VPS13C: variants seen among roughly 807,000 people sequenced by gnomAD.
The protein encoded by VPS13C is vacuolar protein sorting 13 homolog C.
VPS13C carries 358 observed loss-of-function variants against 456.8 expected under a neutral mutation model. That is an observed-to-expected ratio of 0.78 (90% CI 0.72 to 0.86). The LOEUF (loss-of-function observed/expected upper bound fraction) is 0.86. Ranked by LOEUF, VPS13C falls within the 40% of genes least tolerant of loss-of-function variation. The pLI, the probability that VPS13C is intolerant of heterozygous loss-of-function variation, is 0.00. For synonymous variants in VPS13C, 1,578 were observed against 1,486.7 expected, an observed-to-expected ratio of 1.06 and a Z score of -1.41; for missense variants, 4,818 against 4,385.4, an observed-to-expected ratio of 1.10 and a Z score of -2.79.
intron 66 of VPS13C, among the ~76,000 whole-genome samples, chr15:61,896,444 G>A (rs950243139): frequency 3.9e-5 from 6 of 152,198 alleles, no homozygotes; most frequent in Admixed American, 6.5e-5. Context: ...CTCGGGAAGC[G>A]CAAGGGGTCA....
At chr15:62,036,725 C>T (rs1429699854) in intron 3 of VPS13C, among the ~76,000 whole-genome samples, 1 of 152,006 alleles carries the variant, frequency 6.6e-6, no homozygotes, top group Non-Finnish European at 1.5e-5. Context: ...TTCCCTAAAC[C>T]TTTTCTTCTC....
At chr15:62,021,400 T>A (rs956365941) in intron 8 of VPS13C, among the ~76,000 whole-genome samples, 1 of 151,952 alleles carries the variant, frequency 6.6e-6, no homozygotes, top group African/African-American at 2.4e-5. Context: ...ATCCTTAATA[T>A]TTAATTTCTT....
intron 15 of VPS13C, among the ~76,000 whole-genome samples, chr15:62,003,834 G>A (rs8030549): frequency 0.025 from 3,832 of 150,772 alleles, 100 homozygotes; most frequent in South Asian, 0.068. Context: ...ATTGATTTGC[G>A]TATGTTGAAC....
At chr15:61,898,152 C>A (rs990295148) in intron 66 of VPS13C, among the ~76,000 whole-genome samples, 1 of 151,836 alleles carries the variant, frequency 6.6e-6, no homozygotes, top group Non-Finnish European at 1.5e-5. Context: ...AAAATCATGC[C>A]AAAATGTAAA....
At chr15:62,016,741 T>G (rs566982109) in intron 9 of VPS13C, among the ~76,000 whole-genome samples, 3 of 152,304 alleles carry the variant, frequency 2.0e-5, no homozygotes, top group African/African-American at 7.2e-5. Context: ...CATGTGTACA[T>G]GTGTCTTTAG....
chr15:62,000,406 A>T (rs1455134812), intron 16 of VPS13C, among the ~76,000 whole-genome samples, 158 bp downstream of exon 16: 1 of 151,974 alleles, frequency 6.6e-6, no homozygotes. Context: ...TTTCCCCTTC[A>T]TATTAGTGGC....
intron 16 of VPS13C, 96 bp from the exon 17 acceptor site, chr15:61,991,898 T>C: frequency 7.3e-7 from 1 of 1,365,636 alleles, no homozygotes; most frequent in Non-Finnish European, 9.9e-7. Context: ...CTTTTTTTTT[T>C]TTTAACGCTA....
chr15:61,997,565 T>C (rs2046431163), intron 16 of VPS13C, among the ~76,000 whole-genome samples: 1 of 152,158 alleles, frequency 6.6e-6, no homozygotes, highest in African/African-American at 2.4e-5. Flanking sequence ...TCTTCTCTCA[T>C]CTCACTCAAG....
intron 65 of VPS13C, among the ~76,000 whole-genome samples, chr15:61,907,814 G>A (rs1566989463): frequency 2.0e-5 from 3 of 152,106 alleles, no homozygotes; most frequent in African/African-American, 7.2e-5. Flanking sequence ...TCATTCACAG[G>A]CAAGATCATA....
intron 14 of VPS13C, among the ~76,000 whole-genome samples, 171 bp from the exon 15 acceptor site, chr15:62,007,650 T>C (rs2140492625): frequency 6.6e-6 from 1 of 152,244 alleles, no homozygotes; most frequent in African/African-American, 2.4e-5. Flanking sequence ...TAGACTTAGA[T>C]ATAAGAAAAC....
chr15:62,053,016 T>C (rs1247709240), intron 1 of VPS13C, among the ~76,000 whole-genome samples: 1 of 152,190 alleles, frequency 6.6e-6, no homozygotes, highest in Non-Finnish European at 1.5e-5. Context: ...CAGTTTTAGT[T>C]CTAGAAAAGG....
Position 61,982,499 on chromosome 15 carries a change from T to C in VPS13C, c.1989A>G (p.Thr663=). The change falls in exon 21 of 85, where the codon ACA becomes ACG. Residue 663 remains threonine, a synonymous_variant. Transcript: ENST00000644861. ...GLDLEQITSA[T]LMKLEEIKER... ...CCTTAATTTCTTCCAGCTTCATCAA[T>C]GTTGCTGATGTTATTTGCTCAAGAT... 1 of 1,609,520 alleles carries C rather than the reference T, an allele frequency of 6.2e-7. No homozygotes were observed. Among genetic ancestry groups the C allele is most frequent in the East Asian group, 2.2e-5 (1 of 44,786 alleles).
chr15:61,952,011 T>G, intron 38 of VPS13C, 31 bp from the exon 39 acceptor site: 1 of 1,601,494 alleles, frequency 6.2e-7, no homozygotes, highest in Non-Finnish European at 8.5e-7. Context: ...TACCACCAAC[T>G]ATTTCACCAA....
At chr15:61,983,740 T>C in intron 20 of VPS13C, 80 bp downstream of exon 20, 1 of 1,408,784 alleles carries the variant, frequency 7.1e-7, no homozygotes, top group Non-Finnish European at 9.6e-7. Context: ...ATGTTAAATA[T>C]GAAAGAGGAG....
rs1895051140 is a variant in VPS13C at position 61,871,779 on chromosome 15, A to G, written c.10624+210T>C. 2.0e-5 allele frequency among the ~76,000 whole-genome samples: 3 copies of G among 152,158 alleles called. No individual in the cohort carries two copies. The South Asian group carries it at 6.2e-4, about 32-fold the overall frequency. On this transcript the variant is annotated intron_variant, in intron 79 of 84. Coordinates refer to ENST00000644861, the MANE Select transcript of VPS13C (RefSeq NM_020821.3). ...ATCTAGTTTATCTCTGGCCCTGCTA[A>G]AAATAGCATTCAAAGTCTGAAGCAT... is the stretch of plus-strand genomic sequence containing the variant.
chr15:61,896,426 T>C (rs2042815551), intron 66 of VPS13C, among the ~76,000 whole-genome samples: 2 of 152,132 alleles, frequency 1.3e-5, no homozygotes, highest in African/African-American at 2.4e-5. Flanking sequence ...GGGTGAGGCA[T>C]TGCCTCACTC....
At chr15:61,869,327 A>G (rs1894838761) in intron 80 of VPS13C, among the ~76,000 whole-genome samples, 173 bp downstream of exon 80, 12 of 152,030 alleles carry the variant, frequency 7.9e-5, no homozygotes, top group Admixed American at 7.9e-4. Context: ...CATGTTCGCA[A>G]AATATGTCTT....
At chr15:62,011,314 A>T (rs562109071) in intron 12 of VPS13C, among the ~76,000 whole-genome samples, 28 of 152,238 alleles carry the variant, frequency 1.8e-4, no homozygotes, top group African/African-American at 6.3e-4. Context: ...AAAATGCCTA[A>T]GAATGAAATT....
chr15:61,875,887 TG>T, intron 75 of VPS13C, 42 bp from the exon 76 acceptor site: 2 of 1,258,044 alleles, frequency 1.6e-6, no homozygotes, highest in Non-Finnish European at 2.2e-6. Context: ...TCACAACTAT[TG>T]TAAGAAACAT....
Sources: gnomAD v4.1 joint callset for allele counts (sites outside exome capture counted in the v4.1 genomes callset) on GRCh38, gnomAD v4.1.1 for gene constraint, MANE v1.5 for transcripts, NCBI Gene and HGNC (gene_info 2026-07-23, HGNC 2026-07-21) for gene names.